The following NRG3 variants were observed in gnomAD, a reference collection of about 807,000 sequenced individuals.
NRG3 encodes the protein neuregulin 3, also known as pro-neuregulin-3, membrane-bound isoform.
A neutral mutation model predicts 66.9 loss-of-function variants in NRG3; 31 were observed. The ratio of observed to expected loss-of-function variants is 0.46; its 90% CI spans 0.35 to 0.63. NRG3 has a LOEUF of 0.63. Among genes scored for constraint, NRG3 ranks in the 20% least tolerant of loss-of-function variants. NRG3 has a pLI of 0.00. For missense variants in NRG3, 910 were observed against 878.9 expected, an observed-to-expected ratio of 1.04 and a Z score of -0.45; for synonymous variants, 393 against 359.4, an observed-to-expected ratio of 1.09 and a Z score of -1.06.
chr10:82,337,112 A>G (rs1254865988), intron 1 of NRG3, among the ~76,000 whole-genome samples: 1 of 152,236 alleles, frequency 6.6e-6, no homozygotes, highest in African/African-American at 2.4e-5. Flanking sequence ...TAAACTGGAA[A>G]CATAAAAAAG....
At chr10:82,441,863 A>G (rs2090449608) in intron 2 of NRG3, among the ~76,000 whole-genome samples, 1 of 152,158 alleles carries the variant, frequency 6.6e-6, no homozygotes, top group Non-Finnish European at 1.5e-5. Flanking sequence ...CGTTGAGGAT[A>G]TTTGCAAGTT....
intron 1 of NRG3, among the ~76,000 whole-genome samples, chr10:82,062,810 G>A (rs1314448701): frequency 6.6e-6 from 1 of 152,006 alleles, no homozygotes; most frequent in Non-Finnish European, 1.5e-5. Context: ...ACAAAAATGT[G>A]CTGAATCCAC....
chr10:82,841,698 G>C, intron 3 of NRG3, among the ~76,000 whole-genome samples: 1 of 152,086 alleles, frequency 6.6e-6, no homozygotes, highest in East Asian at 1.9e-4. Flanking sequence ...CTTACTTAAA[G>C]TCAACCAATT....
At chr10:82,903,369 AT>A (rs1844422257) in intron 4 of NRG3, among the ~76,000 whole-genome samples, 1 of 152,126 alleles carries the variant, frequency 6.6e-6, no homozygotes, top group Admixed American at 6.6e-5. Context: ...TGCTGTTCTT[AT>A]ATATTTTTCA....
intron 1 of NRG3, among the ~76,000 whole-genome samples, chr10:82,017,790 G>A (rs1564741273): frequency 1.3e-5 from 2 of 152,042 alleles, no homozygotes; most frequent in African/African-American, 4.8e-5. Flanking sequence ...GGGGTTGTTT[G>A]TTTTTTTCTT....
intron 1 of NRG3, among the ~76,000 whole-genome samples, chr10:82,259,405 G>T (rs536562109): frequency 6.6e-6 from 1 of 152,012 alleles, no homozygotes; most frequent in Non-Finnish European, 1.5e-5. Flanking sequence ...AAGACCCAGC[G>T]CACCTGACAC....
chr10:82,898,453 C>T (rs771886767), intron 4 of NRG3, among the ~76,000 whole-genome samples: 3 of 152,162 alleles, frequency 2.0e-5, no homozygotes, highest in Admixed American at 6.5e-5. Flanking sequence ...GCTCACAGGG[C>T]CAGCTCAGAT....
intron 1 of NRG3, among the ~76,000 whole-genome samples, chr10:81,913,080 T>TG (rs776340906): frequency 3.6e-4 from 39 of 108,400 alleles, no homozygotes; most frequent in South Asian, 8.7e-4. Flanking sequence ...AAGGGACCAT[T>TG]GGGGAAAAAA....
chr10:81,931,348 C>A (rs1392041074), intron 1 of NRG3, among the ~76,000 whole-genome samples: 1 of 152,168 alleles, frequency 6.6e-6, no homozygotes, highest in Non-Finnish European at 1.5e-5. Context: ...GATATAGATT[C>A]TGTCTTCCAG....
intron 4 of NRG3, among the ~76,000 whole-genome samples, chr10:82,902,276 A>C (rs946094885): frequency 1.3e-5 from 2 of 152,210 alleles, no homozygotes; most frequent in Non-Finnish European, 2.9e-5. Context: ...TTTGAAGATC[A>C]TTTAAGCAGG....
chr10:82,834,309 G>A (rs2062672303), intron 3 of NRG3, among the ~76,000 whole-genome samples: 1 of 152,092 alleles, frequency 6.6e-6, no homozygotes, highest in Admixed American at 6.6e-5. Flanking sequence ...CATGTGGCAG[G>A]AAGAACTGAA....
At chr10:82,480,059 T>C (rs1055836995) in intron 2 of NRG3, among the ~76,000 whole-genome samples, 4 of 152,230 alleles carry the variant, frequency 2.6e-5, no homozygotes, top group East Asian at 3.8e-4. Context: ...CCTAATGTTT[T>C]TGAGGTTCAT....
At chr10:82,582,396 C>T (rs1299877686) in intron 2 of NRG3, among the ~76,000 whole-genome samples, 1 of 152,044 alleles carries the variant, frequency 6.6e-6, no homozygotes, top group Non-Finnish European at 1.5e-5. Flanking sequence ...AGCACAGGGA[C>T]CTGCCACAGT....
At chr10:82,555,215 A>G (rs1430984089) in intron 2 of NRG3, among the ~76,000 whole-genome samples, 1 of 152,150 alleles carries the variant, frequency 6.6e-6, no homozygotes, top group Non-Finnish European at 1.5e-5. Flanking sequence ...TCTGGTCTAC[A>G]ATTATAATCA....
intron 2 of NRG3, among the ~76,000 whole-genome samples, chr10:82,451,807 A>C (rs1315804092): frequency 1.3e-5 from 2 of 152,154 alleles, no homozygotes; most frequent in Non-Finnish European, 2.9e-5. Context: ...CTGCCCCAAG[A>C]GGCAAAAAGA....
At chr10:82,635,516 T>A (rs1351881761) in intron 2 of NRG3, among the ~76,000 whole-genome samples, 1 of 152,056 alleles carries the variant, frequency 6.6e-6, no homozygotes, top group Non-Finnish European at 1.5e-5. Context: ...GGGGGAGGAT[T>A]CATGGTCTTA....
rs117535772 is a variant in NRG3 at position 82,723,353 on chromosome 10, A to G, written c.954-15224A>G. 7.9e-4 allele frequency among the ~76,000 whole-genome samples: 121 copies of G among 152,304 alleles called. 1 individual carries two copies. In the East Asian group the frequency reaches 0.02, roughly 26 times the overall value. ...GAGAGGGGCAAGGGTTGAAAAACTAACTATTGGATACTATGCTTCGTACCT... is the reference window on the plus strand; with the variant it reads ...GAGAGGGGCAAGGGTTGAAAAACTAGCTATTGGATACTATGCTTCGTACCT... On this transcript the variant is annotated intron_variant, in intron 2 of 8. Transcript: ENST00000372141.
At chr10:82,791,995 AC>A (rs1397546863) in intron 3 of NRG3, among the ~76,000 whole-genome samples, 1 of 152,226 alleles carries the variant, frequency 6.6e-6, no homozygotes, top group Non-Finnish European at 1.5e-5. Context: ...TAAAGTTCAC[AC>A]AGAGCTGGGG....
intron 4 of NRG3, among the ~76,000 whole-genome samples, chr10:82,922,138 G>A (rs118123971): frequency 0.037 from 5,578 of 152,038 alleles, 128 homozygotes; most frequent in Non-Finnish European, 0.055. Context: ...GGGGGGAAGA[G>A]AACCGGAAGA....
Sources: allele counts gnomAD v4.1 joint callset (sites outside exome capture counted in the v4.1 genomes callset), GRCh38; gene constraint gnomAD v4.1.1; transcripts MANE v1.5; gene names NCBI Gene and HGNC (gene_info 2026-07-23, HGNC 2026-07-21).